The following SEMA3F variants were observed in gnomAD, a reference collection of about 807,000 sequenced individuals.
SEMA3F encodes semaphorin-3F.
Under a neutral mutation model 98.5 loss-of-function variants are expected in SEMA3F, and 30 were observed. The observed-to-expected ratio is 0.30, with a 90% confidence interval of 0.23 to 0.41. The LOEUF is 0.41. Ranked by LOEUF, SEMA3F falls within the 10% of genes least tolerant of loss-of-function variation. The pLI, the probability that SEMA3F is intolerant of heterozygous loss-of-function variation, is 1.00. For missense variants in SEMA3F, 866 were observed against 1,119.3 expected (o/e 0.77, Z 3.23); for synonymous variants, 380 against 444.8 (o/e 0.85, Z 1.83).
At chr3:50,161,436 C>T (rs1206356978) in intron 2 of SEMA3F, among the ~76,000 whole-genome samples, 1 of 152,212 alleles carries the variant, frequency 6.6e-6, no homozygotes, top group African/African-American at 2.4e-5. Flanking sequence ...GCCCACATCG[C>T]GTCAGGTCGA....
At chr3:50,186,550 C>T (rs1488307724) in intron 17 of SEMA3F, 63 bp from the exon 18 acceptor site, 19 of 1,553,606 alleles carry the variant, frequency 1.2e-5, no homozygotes, top group Non-Finnish European at 1.5e-5. Flanking sequence ...GTGCCTGCCC[C>T]GAAGCAGTCA....
rs753097043 is a variant in SEMA3F at position 50,182,958 on chromosome 3, G to T, written c.958G>T (p.Ala320Ser). ...LVNKWSTFLK[A>S]RLVCSVPGED... ...CAACAAGTGGAGCACATTCCTGAAGGCGCGGCTCGTCTGCTCTGTCCCGGG... is the reference window on the plus strand; with the variant it reads ...CAACAAGTGGAGCACATTCCTGAAGTCGCGGCTCGTCTGCTCTGTCCCGGG... The change falls in exon 10 of 19, where the codon GCG (alanine) becomes TCG (serine). Residue 320 changes from alanine to serine, a missense_variant. By Grantham distance (99) the Ala-to-Ser change is moderately conservative. Coordinates refer to ENST00000002829, the MANE Select transcript of SEMA3F (RefSeq NM_004186.5). This position sits in a 1 kb window ranked among gnomAD's most constrained non-coding sequence, Gnocchi z 4.5. 1 of 1,613,994 alleles carries T rather than the reference G, an allele frequency of 6.2e-7. No homozygotes were observed. Among genetic ancestry groups the T allele is most frequent in the Non-Finnish European group, 8.5e-7 (1 of 1,180,038 alleles).
intron 7 of SEMA3F, among the ~76,000 whole-genome samples, chr3:50,181,135 G>A (rs1699001504): frequency 6.6e-6 from 1 of 151,702 alleles, no homozygotes; most frequent in Non-Finnish European, 1.5e-5. Context: ...AGCATATGCT[G>A]TTGAAAAAAT....
chr3:50,159,761 G>A, intron 2 of SEMA3F, 27 bp downstream of exon 2: 1 of 1,439,348 alleles, frequency 6.9e-7, no homozygotes, highest in Non-Finnish European at 9.8e-7. Flanking sequence ...TTCTTCCCCA[G>A]AAATCATCCT....
chr3:50,185,781 G>A, intron 15 of SEMA3F, 74 bp downstream of exon 15: 1 of 1,610,636 alleles, frequency 6.2e-7, no homozygotes, highest in Non-Finnish European at 8.5e-7. Context: ...CTTGGCACAG[G>A]GATGGGTAAA....
chr3:50,163,270 G>A (rs943135381), intron 2 of SEMA3F, among the ~76,000 whole-genome samples: 1 of 152,220 alleles, frequency 6.6e-6, no homozygotes, highest in African/African-American at 2.4e-5. Flanking sequence ...CCGAAGCAAC[G>A]GAATTGGGGT....
intron 10 of SEMA3F, 55 bp downstream of exon 10, chr3:50,183,073 C>CGGGAT: frequency 6.4e-7 from 1 of 1,574,206 alleles, no homozygotes; most frequent in Non-Finnish European, 8.7e-7. Flanking sequence ...GGGATAGAGG[C>CGGGAT]GGGATGGGCG....
In SEMA3F at chr3:50,187,709, G is replaced by T. The variant is rs773134056; in HGVS notation, c.1952G>T (p.Arg651Leu). Residue 651 changes from arginine to leucine, a missense_variant, in exon 19 of 19, where the codon CGT (arginine) becomes CTT (leucine). By Grantham distance (102) the Arg-to-Leu change is moderately radical. Around this residue, in one of 3 missense-constraint regions of SEMA3F, gnomAD observed 245 missense variants for 260.5 expected, o/e 0.94. Transcript: ENST00000002829. ...CCCCTCTCCTTGCCCCTGCAGATTC[G>T]TGCAGAGGACCGCTTCCTGCGCACA... ...RDPGDRRREI[R>L]AEDRFLRTEQ... is the part of the protein sequence containing the mutation. 3.2e-6 allele frequency: 5 copies of T among 1,585,834 alleles called. No homozygotes were observed. Among genetic ancestry groups the T allele is most frequent in the Non-Finnish European group, 4.3e-6 (5 of 1,160,956 alleles).
At position 50,183,555 on chromosome 3, in the gene SEMA3F, G is replaced by T. The variant is rs530171159; in HGVS notation, c.1224G>T (p.Arg408=). 1 of 1,613,908 alleles carries T rather than the reference G, an allele frequency of 6.2e-7. No homozygotes were observed. The highest frequency in any genetic ancestry group is 1.7e-5 in the Admixed American group (1 of 60,020). The change falls in exon 12 of 19, where the codon CGG becomes CGT. Residue 408 remains arginine, a synonymous_variant. Transcript: ENST00000002829. ...TCTCAGGGAAGATGCCCTACCCACG[G>T]CCGGGCACGGTAAGGACCCCACTCA... ...MPFSGKMPYP[R]PGTCPGGTFT...
intron 2 of SEMA3F, among the ~76,000 whole-genome samples, chr3:50,168,947 C>T (rs1022358812): frequency 4.6e-5 from 7 of 152,216 alleles, no homozygotes; most frequent in Non-Finnish European, 1.0e-4. Context: ...GGGATTAGGG[C>T]TGCACTGGCT....
chr3:50,166,277 C>T lies in SEMA3F; in HGVS notation c.112+6543C>T, dbSNP rs1268614182. Reference sequence around the variant, plus strand: ...TTCCCCCGGCCAGAGTCCACTGCCTCGTGTGTCTGCTGTTCAGCCAGCACG... The same window carrying T: ...TTCCCCCGGCCAGAGTCCACTGCCTTGTGTGTCTGCTGTTCAGCCAGCACG... On this transcript the variant is annotated intron_variant, in intron 2 of 18. Transcript: ENST00000002829. This position sits in a 1 kb window ranked among gnomAD's most constrained non-coding sequence, Gnocchi z 4.7. 6.6e-6 allele frequency among the ~76,000 whole-genome samples: 1 copy of T among 152,200 alleles called. No homozygotes were observed. The highest frequency in any genetic ancestry group is 2.4e-5 in the African/African-American group (1 of 41,454).
upstream of SEMA3F, chr3:50,155,075 G>A (rs753544995): frequency 5.3e-6 from 2 of 377,194 alleles, no homozygotes; most frequent in South Asian, 4.1e-5. The surrounding 1 kb of genome is among the most constrained non-coding windows in gnomAD (Gnocchi z 4.9). Context: ...CCGTCCCGCC[G>A]GCGGCCGCGA....
At chr3:50,167,487 G>T (rs1481927610) in intron 2 of SEMA3F, among the ~76,000 whole-genome samples, 1 of 152,226 alleles carries the variant, frequency 6.6e-6, no homozygotes, top group Non-Finnish European at 1.5e-5. Context: ...CCTGTCCTGG[G>T]CGGAGTAGGT....
rs1698763650 is a variant in SEMA3F, at chr3:50,175,198, A to T, written c.549+10A>T. ...CACAGCCCCACGCCAGGTGGGCCTCATCCCTCCAGGCCTTTGCCAGGCAGC... is the reference window on the plus strand; with the variant it reads ...CACAGCCCCACGCCAGGTGGGCCTCTTCCCTCCAGGCCTTTGCCAGGCAGC... On this transcript the variant is annotated intron_variant, in intron 6 of 18. Transcript: ENST00000002829. The T allele has an allele frequency of 6.4e-7, 1 of 1,562,142 alleles. No homozygotes were observed. The highest frequency in any genetic ancestry group is 8.7e-7 in the Non-Finnish European group (1 of 1,144,824).
intron 2 of SEMA3F, among the ~76,000 whole-genome samples, chr3:50,169,061 T>C (rs529149334): frequency 6.6e-6 from 1 of 152,222 alleles, no homozygotes; most frequent in African/African-American, 2.4e-5. Context: ...GCCTGCTGCT[T>C]TGTGGGGCTA....
At position 50,161,551 on chromosome 3, in the gene SEMA3F, G is replaced by A. The variant is rs546425607; in HGVS notation, c.112+1817G>A. On this transcript the variant is annotated intron_variant, in intron 2 of 18. Transcript: ENST00000002829. ...GGTTGTGGCGGCCTGGGGTGGGGCTGCAGCGCACCTGGGGCCACCCATCCC... is the reference window on the plus strand; with the variant it reads ...GGTTGTGGCGGCCTGGGGTGGGGCTACAGCGCACCTGGGGCCACCCATCCC... 4.6e-5 allele frequency among the ~76,000 whole-genome samples: 7 copies of A among 152,368 alleles called. No individual in the cohort carries two copies. The South Asian group carries it at 1.4e-3, about 32-fold the overall frequency.
intron 2 of SEMA3F, among the ~76,000 whole-genome samples, chr3:50,163,261 C>T (rs1426131529): frequency 2.6e-5 from 4 of 152,212 alleles, no homozygotes; most frequent in Non-Finnish European, 2.9e-5. Context: ...CTCTGTCTGC[C>T]GAAGCAACGG....
chr3:50,187,707 T>G lies in SEMA3F; in HGVS notation c.1950T>G (p.Ile650Met), dbSNP rs1384528892. 1.3e-6 allele frequency: 2 copies of G among 1,582,470 alleles called. No homozygotes were observed. Among genetic ancestry groups the G allele is most frequent in the African/African-American group, 1.3e-5 (1 of 74,444 alleles). ...ACCCCCTCTCCTTGCCCCTGCAGAT[T>G]CGTGCAGAGGACCGCTTCCTGCGCA... ...QRDPGDRRRE[I>M]RAEDRFLRTE... Residue 650 changes from isoleucine to methionine, a missense_variant and splice_region_variant, in exon 19 of 19, where the codon ATT (isoleucine) becomes ATG (methionine). Ile to Met is a conservative substitution (Grantham distance 10). Coordinates refer to ENST00000002829, the MANE Select transcript of SEMA3F (RefSeq NM_004186.5).
At position 50,174,296 on chromosome 3, in the gene SEMA3F, G is replaced by A. The variant is rs1246154873; in HGVS notation, c.402G>A (p.Gly134=). The A allele has an allele frequency of 3.7e-6, 6 of 1,613,322 alleles. No homozygotes were observed. The African/African-American group carries it at 5.3e-5, about 14-fold the overall frequency. Residue 134 remains glycine (G), a synonymous_variant, in exon 5 of 19, where the codon GGG becomes GGA. Coordinates refer to ENST00000002829, the MANE Select transcript of SEMA3F (RefSeq NM_004186.5). ...ACCGAACACACCTGTATGTGTGCGG[G>A]ACAGGTGCCTACAACCCCATGTGCA... is the stretch of plus-strand genomic sequence containing the variant. ...PWNRTHLYVC[G]TGAYNPMCTY...
Sources: allele counts gnomAD v4.1 joint callset (sites outside exome capture counted in the v4.1 genomes callset), GRCh38; gene constraint gnomAD v4.1.1; regional missense constraint gnomAD v4.1.1; non-coding constraint Gnocchi (gnomAD v3.1); transcripts MANE v1.5; gene names NCBI Gene and HGNC (gene_info 2026-07-23, HGNC 2026-07-21).